REST: variants seen among roughly 807,000 people sequenced by gnomAD.
REST encodes the protein RE1-silencing transcription factor.
Under a neutral mutation model 30.4 loss-of-function variants are expected in REST, and 1 was observed. The observed-to-expected ratio is 0.03, with a 90% confidence interval of 0.01 to 0.16. The LOEUF (loss-of-function observed/expected upper bound fraction) is 0.16. REST is among the 10% of genes least tolerant of loss of function. The pLI is 1.00. For synonymous variants in REST, 504 were observed against 451.1 expected (o/e 1.12, Z -1.49); for missense variants, 1,259 against 1,329.5 (o/e 0.95, Z 0.82).
intron 1 of REST, among the ~76,000 whole-genome samples, chr4:56,910,370 T>C (rs1719838417): frequency 6.6e-6 from 1 of 152,230 alleles, no homozygotes; most frequent in African/African-American, 2.4e-5. Flanking sequence ...TGCCAGTGGC[T>C]GAATGATGAA....
At chr4:56,917,364 G>A (rs1452921774) in intron 2 of REST, among the ~76,000 whole-genome samples, 1 of 152,130 alleles carries the variant, frequency 6.6e-6, no homozygotes, top group Non-Finnish European at 1.5e-5. Context: ...TCGCTCTGTT[G>A]CCCTGTGTGG....
In REST at chr4:56,932,007, C is replaced by G; in HGVS notation, c.3149C>G (p.Ala1050Gly). 2 of 1,614,176 alleles carry G rather than the reference C, an allele frequency of 1.2e-6. No homozygotes were observed. The highest frequency in any genetic ancestry group is 1.3e-5 in the African/African-American group (1 of 75,028). The change falls in exon 4 of 4, where the codon GCC becomes GGC. Residue 1050 changes from alanine (A) to glycine (G), a missense_variant. Coordinates refer to ENST00000309042, the MANE Select transcript of REST (RefSeq NM_005612.5). The part of the protein sequence containing the change: ...QESSRKNAKE[A>G]LAVKAAKGDF... ...TCTAGCAGAAAAAATGCAAAGGAAG[C>G]CTTGGCAGTCAAAGCGGCTAAGGGA...
At chr4:56,913,427 A>T (rs1358760624) in intron 2 of REST, among the ~76,000 whole-genome samples, 1 of 152,156 alleles carries the variant, frequency 6.6e-6, no homozygotes, top group Non-Finnish European at 1.5e-5. Context: ...TTTCTGTTAC[A>T]TTTTCTTGGT....
At chr4:56,926,874 A>G (rs1351435820) in intron 3 of REST, among the ~76,000 whole-genome samples, 1 of 151,950 alleles carries the variant, frequency 6.6e-6, no homozygotes, top group Non-Finnish European at 1.5e-5. Flanking sequence ...AGGAGGGTGG[A>G]TCACCTGAGA....
intron 3 of REST, among the ~76,000 whole-genome samples, chr4:56,923,596 CA>C (rs1252951314): frequency 6.6e-6 from 1 of 152,086 alleles, no homozygotes; most frequent in Non-Finnish European, 1.5e-5. Context: ...AGGCACCCGC[CA>C]CCATGCCTGG....
chr4:56,918,191 G>A (rs1195879121), intron 2 of REST, among the ~76,000 whole-genome samples: 2 of 149,572 alleles, frequency 1.3e-5, no homozygotes, highest in African/African-American at 2.5e-5. Flanking sequence ...TTTATAATTT[G>A]TTTTAAAAAT....
chr4:56,921,599 G>A (rs917138573), intron 3 of REST, among the ~76,000 whole-genome samples: 2 of 151,958 alleles, frequency 1.3e-5, no homozygotes, highest in African/African-American at 2.4e-5. Context: ...TAGTAGAGAT[G>A]GGGTTTCGCC....
intron 2 of REST, among the ~76,000 whole-genome samples, chr4:56,918,865 CTTGCTATG>C (rs1004388402): frequency 2.6e-5 from 4 of 151,862 alleles, no homozygotes; most frequent in South Asian, 4.1e-4. Flanking sequence ...GAGAGGAGGT[CTTGCTATG>C]TTGCCCAGGC....
chr4:56,915,639 G>C (rs549623586), intron 2 of REST, among the ~76,000 whole-genome samples: 2 of 152,258 alleles, frequency 1.3e-5, no homozygotes, highest in Admixed American at 6.5e-5. Context: ...GTATTAAATG[G>C]ATAGTTCTGA....
intron 2 of REST, among the ~76,000 whole-genome samples, chr4:56,913,688 C>T (rs1001228492): frequency 3.2e-4 from 48 of 152,142 alleles, no homozygotes; most frequent in Middle Eastern, 3.4e-3. Context: ...TCCCTCTGTG[C>T]CCCAGGCTGG....
At chr4:56,921,607 G>C (rs1464870910) in intron 3 of REST, among the ~76,000 whole-genome samples, 1 of 151,702 alleles carries the variant, frequency 6.6e-6, no homozygotes, top group Non-Finnish European at 1.5e-5. Context: ...ATGGGGTTTC[G>C]CCATGTTGGT....
chr4:56,908,055 T>C lies in REST; in HGVS notation c.-168T>C. 2.9e-6 allele frequency: 1 copy of C among 348,650 alleles called. No individual in the cohort carries two copies. Among genetic ancestry groups the C allele is most frequent in the Middle Eastern group, 7.7e-4 (1 of 1,296 alleles). The allele number at this position is 348,650 out of a possible 1,614,324, so 21.6% of individuals were successfully genotyped here. A position where few individuals can be genotyped will look rare whatever the true frequency, so the allele number is the denominator to read the frequency against. On this transcript the variant is annotated 5_prime_UTR_variant, in exon 1 of 4. Transcript: ENST00000309042. ...GAGGCCCGGAGGCCTGAGCACCCTC[T>C]GCAGCCCCACTCCTGGGCCTTCTTG...
chr4:56,910,216 A>G lies in REST; in HGVS notation c.-9-414A>G, dbSNP rs536564934. On this transcript the variant is annotated intron_variant, in intron 1 of 3. Transcript: ENST00000309042. ...ATTTCTGGGCTTTCTGATTCAGACC[A>G]TTGAACTGTTGAAGGGGGGAAAAGT... Among the ~76,000 whole-genome samples, 3 of 152,344 alleles carry G rather than the reference A, an allele frequency of 2.0e-5. No individual in the cohort carries two copies. In the South Asian group the frequency reaches 6.2e-4, roughly 32 times the overall value.
At position 56,931,161 on chromosome 4, in the gene REST, C is replaced by T. The variant is rs977418231; in HGVS notation, c.2303C>T (p.Pro768Leu). 1.8e-5 allele frequency: 29 copies of T among 1,608,020 alleles called. No homozygotes were observed. The highest frequency in any genetic ancestry group is 2.2e-5 in the East Asian group (1 of 44,666). The change falls in exon 4 of 4, where the codon CCC (proline) becomes CTC (leucine). Residue 768 changes from proline (P) to leucine (L), a missense_variant. Pro to Leu is a moderately conservative substitution (Grantham distance 98). This residue lies in a region of REST where 856 missense variants were observed against 772.8 expected (regional missense o/e 1.11). Transcript: ENST00000309042. ...KEPVKIELSPPIEVVQKEPVQ... is the reference protein window; with the variant it reads ...KEPVKIELSPLIEVVQKEPVQ... ...CCTGTTAAGATAGAGCTGTCTCCTC[C>T]CATAGAGGTGGTCCAGAAGGAGCCT...
rs1578520376 is a variant in REST, at chr4:56,934,510, G to C, written c.*2358G>C. ...TTACTGGAAATTTATTGGACTTGAG[G>C]CCTTCCTCCAGAAAATAAGGACTTG... On this transcript the variant is annotated 3_prime_UTR_variant, in exon 4 of 4. Coordinates refer to ENST00000309042, the MANE Select transcript of REST (RefSeq NM_005612.5). The C allele has an allele frequency of 6.6e-6, 1 of 152,086 alleles. No individual in the cohort carries two copies. The highest frequency in any genetic ancestry group is 1.5e-5 in the Non-Finnish European group (1 of 67,996). The allele number at this position is 152,086 out of a possible 1,614,324, so 9.4% of individuals were successfully genotyped here.
At chr4:56,925,562 CT>C (rs527560617) in intron 3 of REST, among the ~76,000 whole-genome samples, 98 of 152,306 alleles carry the variant, frequency 6.4e-4, no homozygotes, top group African/African-American at 2.3e-3. Context: ...TTGCAGAACT[CT>C]TTCCCCTTTT....
intron 3 of REST, among the ~76,000 whole-genome samples, chr4:56,925,422 G>T (rs1162508869): frequency 2.6e-5 from 4 of 152,076 alleles, no homozygotes; most frequent in Non-Finnish European, 5.9e-5. Context: ...AGGTTGCCCA[G>T]ACTGGTCTCA....
At chr4:56,910,320 C>T (rs1290083623) in intron 1 of REST, among the ~76,000 whole-genome samples, 3 of 152,088 alleles carry the variant, frequency 2.0e-5, no homozygotes, top group African/African-American at 7.2e-5. Context: ...TACTTTTTAT[C>T]CCCACCAGAA....
At position 56,911,175 on chromosome 4, in the gene REST, A is replaced by G. The variant is rs1402368473; in HGVS notation, c.537A>G (p.Arg179=). The G allele has an allele frequency of 6.2e-7, 1 of 1,614,234 alleles. No individual in the cohort carries two copies. Among genetic ancestry groups the G allele is most frequent in the Non-Finnish European group, 8.5e-7 (1 of 1,180,050 alleles). Residue 179 remains arginine (R), a synonymous_variant, in exon 2 of 4, where the codon AGA becomes AGG. Coordinates refer to ENST00000309042, the MANE Select transcript of REST (RefSeq NM_005612.5). ...AAGAACAGTTTGTGCATCACATCAG[A>G]GTTCACAGTGCTAAGAAATTTTTTG... The part of the protein sequence containing the change: ...ESEEQFVHHI[R]VHSAKKFFVE...
Sources: allele counts gnomAD v4.1 joint callset (sites outside exome capture counted in the v4.1 genomes callset), GRCh38; gene constraint gnomAD v4.1.1; regional missense constraint gnomAD v4.1.1; transcripts MANE v1.5; gene names NCBI Gene and HGNC (gene_info 2026-07-23, HGNC 2026-07-21).